MAX: variants seen among roughly 807,000 people sequenced by gnomAD.
MAX encodes protein max.
In MAX, 3 loss-of-function variants were observed where a neutral mutation model predicts 22.3. The ratio of observed to expected loss-of-function variants is 0.13; its 90% CI spans 0.06 to 0.35. The LOEUF is 0.35. Among genes scored for constraint, MAX ranks in the 10% least tolerant of loss-of-function variants. The pLI is 1.00. For synonymous variants in MAX, 72 were observed against 77.7 expected (o/e 0.93, Z 0.39); for missense variants, 119 against 209.4 (o/e 0.57, Z 2.66).
downstream of MAX, chr14:65,074,981 G>T: frequency 1.3e-6 from 1 of 783,514 alleles, no homozygotes; most frequent in Non-Finnish European, 1.6e-6. Context: ...AAGCAACTCT[G>T]GCTTATGGCT....
intron 2 of MAX, among the ~76,000 whole-genome samples, chr14:65,098,697 G>A (rs1003828280): frequency 3.3e-5 from 5 of 152,176 alleles, no homozygotes; most frequent in South Asian, 2.1e-4. Context: ...GGGATTTTGC[G>A]ATGTACTGAA....
chr14:65,066,932 T>C (rs1865498231), intron 3 of MAX, among the ~76,000 whole-genome samples: 1 of 151,444 alleles, frequency 6.6e-6, no homozygotes, highest in Non-Finnish European at 1.5e-5. Flanking sequence ...TCCCAACACT[T>C]TGGGAGGCCA....
chr14:65,049,083 C>T (rs1234264733), intron 3 of MAX, among the ~76,000 whole-genome samples: 6 of 150,432 alleles, frequency 4.0e-5, no homozygotes, highest in East Asian at 2.0e-4. Flanking sequence ...GCTGAGATCG[C>T]GCCGTTGCAC....
chr14:65,059,019 T>C (rs2062803676), intron 3 of MAX, among the ~76,000 whole-genome samples: 1 of 152,182 alleles, frequency 6.6e-6, no homozygotes, highest in South Asian at 2.1e-4. Flanking sequence ...TCTTACCTTT[T>C]TTCTTTTTCT....
Position 65,079,962 on chromosome 14 carries a change from CAA to C in MAX, c.172-1928_172-1927del, listed in dbSNP as rs890859345. On this transcript the variant is annotated intron_variant, in intron 3 of 4. Coordinates refer to ENST00000358664, the MANE Select transcript of MAX (RefSeq NM_002382.5). The surrounding 1 kb of genome is among the most constrained non-coding windows in gnomAD (Gnocchi z 4.5). ...ATACTAGGCAGATACTGTGGGGAAA[CAA>C]AATGTATTAGTCATGGCTTCTTTGC... is the stretch of plus-strand genomic sequence containing the variant. 1.3e-5 allele frequency among the ~76,000 whole-genome samples: 2 copies of C among 152,238 alleles called. No homozygotes were observed. Among genetic ancestry groups the C allele is most frequent in the Non-Finnish European group, 1.5e-5 (1 of 68,018 alleles).
intron 3 of MAX, among the ~76,000 whole-genome samples, chr14:65,041,554 C>A (rs1190297359): frequency 6.6e-6 from 1 of 152,142 alleles, no homozygotes; most frequent in Non-Finnish European, 1.5e-5. Flanking sequence ...GGAGCATGTA[C>A]CCCCTGACCA....
rs746813710 is a variant in MAX at position 65,044,286 on chromosome 14, G to T, written c.172-38002C>A. 6.2e-7 allele frequency: 1 copy of T among 1,611,644 alleles called. No individual in the cohort carries two copies. Among genetic ancestry groups the T allele is most frequent in the Admixed American group, 1.7e-5 (1 of 59,510 alleles). Reference sequence around the variant, plus strand: ...ATTTTGTCTCTTTTAGCCTACAACTGCCTTTCCCATCTGTGTCTCCTCAGC... The same window carrying T: ...ATTTTGTCTCTTTTAGCCTACAACTTCCTTTCCCATCTGTGTCTCCTCAGC... On this transcript the variant is annotated intron_variant, in intron 3 of 3. Coordinates refer to the MAX transcript ENST00000341653. This position sits in a 1 kb window ranked among gnomAD's most constrained non-coding sequence, Gnocchi z 5.5.
At chr14:65,055,241 A>G (rs1275601582) in intron 3 of MAX, among the ~76,000 whole-genome samples, 4 of 152,240 alleles carry the variant, frequency 2.6e-5, no homozygotes, top group African/African-American at 9.6e-5. Flanking sequence ...CTATGAGGGC[A>G]GGATGCTCAC....
In MAX at chr14:65,030,100, C is replaced by A. The variant is rs2062051451; in HGVS notation, c.172-23816G>T. ...CTGGGACTCCTGTCTTCTGTCATCA[C>A]TTCTTAGTCCTCACACTTGTGAGAG... On this transcript the variant is annotated intron_variant, in intron 3 of 3. Coordinates refer to the MAX transcript ENST00000341653. The surrounding 1 kb of genome is among the most constrained non-coding windows in gnomAD (Gnocchi z 4.5). 6.6e-6 allele frequency among the ~76,000 whole-genome samples: 1 copy of A among 152,236 alleles called. No individual in the cohort carries two copies. Among genetic ancestry groups the A allele is most frequent in the Admixed American group, 6.5e-5 (1 of 15,284 alleles).
chr14:65,088,564 T>C lies in MAX; in HGVS notation c.171+5144A>G, dbSNP rs1471785967. 6.6e-6 allele frequency among the ~76,000 whole-genome samples: 1 copy of C among 152,234 alleles called. No individual in the cohort carries two copies. Among genetic ancestry groups the C allele is most frequent in the East Asian group, 1.9e-4 (1 of 5,202 alleles). On this transcript the variant is annotated intron_variant, in intron 3 of 4. Coordinates refer to ENST00000358664, the MANE Select transcript of MAX (RefSeq NM_002382.5). The surrounding 1 kb of genome is among the most constrained non-coding windows in gnomAD (Gnocchi z 5.2). Reference sequence around the variant, plus strand: ...TCCCTCTAGCAGCTCAGATATGCTATAGACATAGGTTACCGAATGAACTGT... The same window carrying C: ...TCCCTCTAGCAGCTCAGATATGCTACAGACATAGGTTACCGAATGAACTGT...
chr14:65,067,065 G>A (rs1424197615), intron 3 of MAX, among the ~76,000 whole-genome samples: 1 of 150,580 alleles, frequency 6.6e-6, no homozygotes, highest in Non-Finnish European at 1.5e-5. Flanking sequence ...ACACACCTGT[G>A]CTCACAGCTA....
rs1416084335 is a variant in MAX, at chr14:65,047,680, A to G, written c.172-41396T>C. 1.3e-5 allele frequency among the ~76,000 whole-genome samples: 2 copies of G among 152,312 alleles called. No individual in the cohort carries two copies. Among genetic ancestry groups the G allele is most frequent in the East Asian group, 3.9e-4 (2 of 5,184 alleles). On this transcript the variant is annotated intron_variant, in intron 3 of 3. Transcript: ENST00000341653. This position sits in a 1 kb window ranked among gnomAD's most constrained non-coding sequence, Gnocchi z 5.2. Reference sequence around the variant, plus strand: ...CACTGTCAGGAATTTACCTGCAGGGATATTAGCAAAGGATGTATATTGAAG... The same window carrying G: ...CACTGTCAGGAATTTACCTGCAGGGGTATTAGCAAAGGATGTATATTGAAG...
At chr14:65,048,237 C>T (rs1012672528) in intron 3 of MAX, among the ~76,000 whole-genome samples, 4 of 151,682 alleles carry the variant, frequency 2.6e-5, no homozygotes, top group African/African-American at 9.7e-5. Flanking sequence ...CCTTCCTTGG[C>T]CACACAAAGT....
At position 65,069,502 on chromosome 14, in the gene MAX, G is replaced by A. The variant is rs1373639590; in HGVS notation, c.171+24206C>T. On this transcript the variant is annotated intron_variant, in intron 3 of 3. Transcript: ENST00000341653. The surrounding 1 kb of genome is among the most constrained non-coding windows in gnomAD (Gnocchi z 4.6). ...TCAAGGCAAGGCCCAGCCTTTATAA[G>A]CTGCCTAGATTGCCCCAGTAGCCAG... 6.6e-6 allele frequency among the ~76,000 whole-genome samples: 1 copy of A among 152,222 alleles called. No individual in the cohort carries two copies. Among genetic ancestry groups the A allele is most frequent in the Non-Finnish European group, 1.5e-5 (1 of 68,042 alleles).
intron 3 of MAX, among the ~76,000 whole-genome samples, chr14:65,051,560 G>A (rs893089582): frequency 8.6e-5 from 13 of 151,454 alleles, no homozygotes; most frequent in African/African-American, 2.9e-4. Context: ...GCAGTGAGCC[G>A]AGATCGTGCC....
chr14:65,066,421 C>T (rs2062930906), intron 3 of MAX, among the ~76,000 whole-genome samples: 1 of 152,202 alleles, frequency 6.6e-6, no homozygotes, highest in Admixed American at 6.5e-5. Context: ...TCACGTTCCT[C>T]CCTCCCGCTT....
chr14:65,036,072 A>G (rs193214823), intron 3 of MAX, among the ~76,000 whole-genome samples: 7 of 152,018 alleles, frequency 4.6e-5, no homozygotes, highest in East Asian at 1.9e-4. Context: ...GTTTCAAGCA[A>G]TCTTCCTGCC....
Position 65,023,737 on chromosome 14 carries a change from G to T in MAX, c.172-17453C>A, listed in dbSNP as rs1182165324. On this transcript the variant is annotated intron_variant, in intron 3 of 3. Coordinates refer to the MAX transcript ENST00000341653. The surrounding 1 kb of genome is among the most constrained non-coding windows in gnomAD (Gnocchi z 4.1). Reference sequence around the variant, plus strand: ...TGGCTGCCTATTGGACAGCACAGATGTATCTCATTGCTACTCAAAATGTGG... The same window carrying T: ...TGGCTGCCTATTGGACAGCACAGATTTATCTCATTGCTACTCAAAATGTGG... 6.6e-6 allele frequency among the ~76,000 whole-genome samples: 1 copy of T among 152,142 alleles called. No individual in the cohort carries two copies. Among genetic ancestry groups the T allele is most frequent in the Non-Finnish European group, 1.5e-5 (1 of 68,012 alleles).
chr14:65,077,578 C>T lies in MAX; in HGVS notation c.295+335G>A. 1 of 939,422 alleles carries T rather than the reference C, an allele frequency of 1.1e-6. No homozygotes were observed. Among genetic ancestry groups the T allele is most frequent in the Non-Finnish European group, 1.7e-6 (1 of 580,164 alleles). 58.2% of individuals were successfully genotyped at this position (939,422 alleles called of 1,614,324 possible). ...TGGTACTTACACAGCACATTCCACT[C>T]CAAGGACCTCAAAGCTCTTTTCAGA... is the stretch of plus-strand genomic sequence containing the variant. On this transcript the variant is annotated intron_variant, in intron 4 of 4. Coordinates refer to ENST00000358664, the MANE Select transcript of MAX (RefSeq NM_002382.5). This position sits in a 1 kb window ranked among gnomAD's most constrained non-coding sequence, Gnocchi z 6.3.
Sources: gnomAD v4.1 joint callset for allele counts (sites outside exome capture counted in the v4.1 genomes callset) on GRCh38, gnomAD v4.1.1 for gene constraint, Gnocchi (gnomAD v3.1) non-coding constraint, MANE v1.5 for transcripts, NCBI Gene and HGNC (gene_info 2026-07-23, HGNC 2026-07-21) for gene names.